The following PGM1 variants were observed in gnomAD, a reference collection of about 807,000 sequenced individuals.
PGM1 encodes phosphoglucomutase 1.
PGM1 carries 52 observed loss-of-function variants against 55.6 expected under a neutral mutation model. The observed-to-expected ratio is 0.94, with a 90% CI of 0.75 to 1.18. The LOEUF is 1.18. PGM1 is among the 50% of genes most tolerant of loss of function. The probability of loss-of-function intolerance (pLI) is 0.00; values close to 1 mark genes in which losing one functional copy is unlikely to be tolerated. For missense variants in PGM1, 724 were observed against 729.3 expected (o/e 0.99, Z 0.08); for synonymous variants, 287 against 271.7 (o/e 1.06, Z -0.55).
intron 1 of PGM1, among the ~76,000 whole-genome samples, chr1:63,598,540 T>C (rs1648145961): frequency 6.6e-6 from 1 of 152,182 alleles, no homozygotes; most frequent in African/African-American, 2.4e-5. Flanking sequence ...ATAATTTTTA[T>C]TGATGATAAA....
rs550260216 is a variant in PGM1 at position 63,618,921 on chromosome 1, C to T, written c.247-10504C>T. Among the ~76,000 whole-genome samples, 13 of 152,210 alleles carry T rather than the reference C, an allele frequency of 8.5e-5. No individual in the cohort carries two copies. In the South Asian group the frequency reaches 2.5e-3, roughly 29 times the overall value. On this transcript the variant is annotated intron_variant, in intron 1 of 10. Coordinates refer to ENST00000371084, the MANE Select transcript of PGM1 (RefSeq NM_002633.3). ...TTTCGAATTCTTTTCTGATTCTTCC[C>T]GTACATCAGATCCACAACTCTTAGA... is the stretch of plus-strand genomic sequence containing the variant.
chr1:63,642,313 G>A (rs1372440529), intron 7 of PGM1, among the ~76,000 whole-genome samples: 1 of 152,188 alleles, frequency 6.6e-6, no homozygotes, highest in Non-Finnish European at 1.5e-5. Context: ...TGGAGGAGCA[G>A]CAGCTTTCTC....
At chr1:63,601,700 T>C (rs1273550126) in intron 1 of PGM1, among the ~76,000 whole-genome samples, 1 of 152,138 alleles carries the variant, frequency 6.6e-6, no homozygotes, top group African/African-American at 2.4e-5. Flanking sequence ...GGGGGCAGCA[T>C]AGGGAGTTGT....
At chr1:63,629,128 C>G (rs948501683) in intron 1 of PGM1, among the ~76,000 whole-genome samples, 1 of 152,108 alleles carries the variant, frequency 6.6e-6, no homozygotes, top group African/African-American at 2.4e-5. Flanking sequence ...TGGAAAGGCT[C>G]TTTTTAATAT....
chr1:63,655,480 G>T (rs1357417942), intron 10 of PGM1, among the ~76,000 whole-genome samples: 1 of 152,166 alleles, frequency 6.6e-6, no homozygotes. Context: ...GGGTTCCTCA[G>T]CCATTCCCCC....
At position 63,593,445 on chromosome 1, in the gene PGM1, C is replaced by T. The variant is rs764594914; in HGVS notation, c.-44C>T. 4.0e-5 allele frequency: 65 copies of T among 1,611,770 alleles called. 1 individual carries two copies. In the South Asian group the frequency reaches 6.4e-4, roughly 16 times the overall value. ...GCAGCCTCAGCCGGCCGCCCCTCCGCCAGCCAAGTCCGCCGCTCTGACCCC... is the reference window on the plus strand; with the variant it reads ...GCAGCCTCAGCCGGCCGCCCCTCCGTCAGCCAAGTCCGCCGCTCTGACCCC... On this transcript the variant is annotated 5_prime_UTR_variant, in exon 1 of 11. Transcript: ENST00000371084.
At chr1:63,623,417 T>G in intron 1 of PGM1, 3 of 1,590,214 alleles carry the variant, frequency 1.9e-6, no homozygotes, top group African/African-American at 2.7e-5. Flanking sequence ...GTCCCTTGAC[T>G]GCTTTCTGGA....
At chr1:63,652,676 G>T (rs1570516817) in intron 9 of PGM1, among the ~76,000 whole-genome samples, 1 of 152,304 alleles carries the variant, frequency 6.6e-6, no homozygotes, top group African/African-American at 2.4e-5. Flanking sequence ...AATTGACCCA[G>T]ATTTTTGGCC....
chr1:63,603,804 G>A (rs1052181900), intron 1 of PGM1, among the ~76,000 whole-genome samples: 7 of 152,224 alleles, frequency 4.6e-5, no homozygotes, highest in African/African-American at 7.2e-5. Context: ...TGAGAAGCAC[G>A]TGGGGACTAA....
rs77434440 is a variant in PGM1 at position 63,651,648 on chromosome 1, C to T, written c.1281-21C>T. 2,964 of 1,612,324 alleles carry T rather than the reference C, an allele frequency of 1.8e-3. 98 individuals are homozygous for T. The East Asian group carries it at 0.062, about 33-fold the overall frequency. ...TGATCTGCAGTCAGCCCGTGGGCCT[C>T]AACTTCGTGACTTCTTCCAGGTATG... On this transcript the variant is annotated intron_variant, in intron 8 of 10. Transcript: ENST00000371084.
At chr1:63,654,199 G>T (rs1456263149) in intron 9 of PGM1, 133 bp from the exon 10 acceptor site, 1 of 895,046 alleles carries the variant, frequency 1.1e-6, no homozygotes, top group Non-Finnish European at 1.9e-6. Flanking sequence ...TGCAGCTGCT[G>T]CCATTTATCA....
chr1:63,593,878 C>G (rs1478123876), intron 1 of PGM1, 144 bp downstream of exon 1: 1 of 1,285,538 alleles, frequency 7.8e-7, no homozygotes, highest in Non-Finnish European at 9.8e-7. Flanking sequence ...CTCCTTCGCG[C>G]TCGCTCTTCT....
chr1:63,613,407 A>G (rs1570479541), intron 1 of PGM1, among the ~76,000 whole-genome samples: 1 of 152,004 alleles, frequency 6.6e-6, no homozygotes, highest in South Asian at 2.1e-4. Context: ...CAGCAGGACC[A>G]TGCTCCCTCT....
At chr1:63,629,889 T>C in intron 2 of PGM1, 53 bp from the exon 3 acceptor site, 1 of 1,605,332 alleles carries the variant, frequency 6.2e-7, no homozygotes, top group Non-Finnish European at 8.5e-7. Context: ...GGATTCTTTG[T>C]ATTTCCATGT....
intron 1 of PGM1, 39 bp from the exon 2 acceptor site, chr1:63,629,386 A>G (rs1171210491): frequency 1.9e-6 from 3 of 1,581,270 alleles, no homozygotes; most frequent in Non-Finnish European, 2.6e-6. Flanking sequence ...CTCTGGATGT[A>G]TTGATGTTAA....
chr1:63,604,115 G>A (rs898096232), intron 1 of PGM1, among the ~76,000 whole-genome samples: 2 of 152,058 alleles, frequency 1.3e-5, no homozygotes, highest in Non-Finnish European at 2.9e-5. Context: ...TGATCTTACC[G>A]CTGCAGATCT....
intron 6 of PGM1, among the ~76,000 whole-genome samples, chr1:63,637,821 T>C (rs1264875939): frequency 2.6e-5 from 4 of 152,200 alleles, no homozygotes; most frequent in African/African-American, 9.6e-5. Flanking sequence ...AGTACCTCAT[T>C]ACCCAGATAA....
At position 63,629,477 on chromosome 1, in the gene PGM1, C is replaced by G; in HGVS notation, c.299C>G (p.Ser100Cys). The change falls in exon 2 of 11, where the codon TCC becomes TGC. Residue 100 changes from serine to cysteine, a missense_variant. Around this residue, in one of 3 missense-constraint regions of PGM1, gnomAD observed 379 missense variants for 357.5 expected, o/e 1.06. Transcript: ENST00000371084. ...QNGILSTPAVSCIIRKIKAIG... is the reference protein window; with the variant it reads ...QNGILSTPAVCCIIRKIKAIG... ...GGAATCCTCTCCACCCCTGCTGTAT[C>G]CTGCATCATTAGAAAAATCAAAGCC... is the stretch of plus-strand genomic sequence containing the variant. 6.2e-7 allele frequency: 1 copy of G among 1,613,628 alleles called. No individual in the cohort carries two copies. Among genetic ancestry groups the G allele is most frequent in the Admixed American group, 1.7e-5 (1 of 59,998 alleles).
chr1:63,651,962 G>A lies in PGM1; in HGVS notation c.1464+110G>A. On this transcript the variant is annotated intron_variant, in intron 9 of 10. Transcript: ENST00000371084. The stretch of plus-strand genomic sequence containing the variant: ...TTGGCTATTTTTCTTTTGCTGCTGT[G>A]TTTTTCTAGGGTAGCTGTTCTTACC... 5 of 1,019,920 alleles carry A rather than the reference G, an allele frequency of 4.9e-6. No individual in the cohort carries two copies. The South Asian group carries it at 6.7e-5, about 14-fold the overall frequency. The allele number at this position is 1,019,920 out of a possible 1,614,324, so 63.2% of individuals were successfully genotyped here.
Sources: allele counts gnomAD v4.1 joint callset (sites outside exome capture counted in the v4.1 genomes callset), GRCh38; gene constraint gnomAD v4.1.1; regional missense constraint gnomAD v4.1.1; transcripts MANE v1.5; gene names NCBI Gene and HGNC (gene_info 2026-07-23, HGNC 2026-07-21).